Variants in MACROD2 observed in about 807,000 individuals in gnomAD.
The protein encoded by MACROD2 is mono-ADP ribosylhydrolase 2, also known as ADP-ribose glycohydrolase MACROD2.
In MACROD2, 36 loss-of-function variants were observed where a neutral mutation model predicts 70.4. That is an observed-to-expected ratio of 0.51 (90% CI 0.39 to 0.68). MACROD2 has a LOEUF of 0.68. Among genes scored for constraint, MACROD2 ranks in the 30% least tolerant of loss-of-function variants. The pLI, the probability that MACROD2 is intolerant of heterozygous loss-of-function variation, is 0.00. For missense variants in MACROD2, 496 were observed against 538.4 expected (o/e 0.92, Z 0.78); for synonymous variants, 172 against 178.8 (o/e 0.96, Z 0.30).
At chr20:14,413,278 A>G (rs1460685401) in intron 3 of MACROD2, among the ~76,000 whole-genome samples, 1 of 149,384 alleles carries the variant, frequency 6.7e-6, no homozygotes, top group East Asian at 1.9e-4. Context: ...CTATTAATAT[A>G]TAGTATATAT....
intron 3 of MACROD2, among the ~76,000 whole-genome samples, chr20:14,320,558 C>T (rs1217244031): frequency 6.6e-6 from 1 of 152,112 alleles, no homozygotes; most frequent in Admixed American, 6.5e-5. Context: ...TATACCTTTC[C>T]AGTCTTACCT....
intron 8 of MACROD2, among the ~76,000 whole-genome samples, chr20:15,557,846 A>G (rs1002675679): frequency 6.6e-6 from 1 of 152,146 alleles, no homozygotes; most frequent in Non-Finnish European, 1.5e-5. Context: ...TTGTCGGGCA[A>G]TCTGGCACAT....
intron 5 of MACROD2, among the ~76,000 whole-genome samples, chr20:14,692,492 C>A (rs183921301): frequency 6.6e-6 from 1 of 152,292 alleles, no homozygotes; most frequent in African/African-American, 2.4e-5. Context: ...GTCTCATTTA[C>A]CCCTGATATC....
rs900625054 is a variant in MACROD2 at position 15,100,031 on chromosome 20, G to T, written c.419-129909G>T. On this transcript the variant is annotated intron_variant, in intron 5 of 17. Coordinates refer to ENST00000684519, the MANE Select transcript of MACROD2 (RefSeq NM_001351661.2). ...CAAAGAACTTGGCTGAATTCTGTTTGTGCTCTTGTGTTTTGTGACAGGTAG... is the reference window on the plus strand; with the variant it reads ...CAAAGAACTTGGCTGAATTCTGTTTTTGCTCTTGTGTTTTGTGACAGGTAG... Among the ~76,000 whole-genome samples, 23 of 152,114 alleles carry T rather than the reference G, an allele frequency of 1.5e-4. 1 individual carries two copies. The highest frequency in any genetic ancestry group is 6.6e-5 in the Admixed American group (1 of 15,266).
In MACROD2 at chr20:14,857,578, A is replaced by G. The variant is rs2073268643; in HGVS notation, c.418+172619A>G. 2.0e-5 allele frequency among the ~76,000 whole-genome samples: 3 copies of G among 152,310 alleles called. No homozygotes were observed. The South Asian group carries it at 6.2e-4, about 32-fold the overall frequency. On this transcript the variant is annotated intron_variant, in intron 5 of 17. Coordinates refer to ENST00000684519, the MANE Select transcript of MACROD2 (RefSeq NM_001351661.2). The stretch of plus-strand genomic sequence containing the variant: ...TTAGCACACATGTCCAGATGTTGAC[A>G]CTACAAGTTATAAGCAGCCTTCATT...
chr20:15,968,609 T>A (rs1057341742), intron 13 of MACROD2, among the ~76,000 whole-genome samples: 2 of 151,650 alleles, frequency 1.3e-5, no homozygotes, highest in Admixed American at 6.6e-5. Flanking sequence ...AGGATGAAAA[T>A]GTCTTACCTA....
At chr20:14,281,512 T>C (rs2082305827) in intron 3 of MACROD2, among the ~76,000 whole-genome samples, 1 of 152,232 alleles carries the variant, frequency 6.6e-6, no homozygotes, top group South Asian at 2.1e-4. Flanking sequence ...TTTTGCAACT[T>C]TGTGAATATA....
chr20:14,247,051 C>T (rs1478452272), intron 3 of MACROD2, among the ~76,000 whole-genome samples: 3 of 152,264 alleles, frequency 2.0e-5, no homozygotes, highest in Non-Finnish European at 4.4e-5. Context: ...CTGCTGCTCC[C>T]AGTTTTTTCT....
intron 8 of MACROD2, among the ~76,000 whole-genome samples, chr20:15,656,359 C>T (rs961700206): frequency 1.3e-5 from 2 of 152,196 alleles, no homozygotes; most frequent in Non-Finnish European, 2.9e-5. Context: ...GAAATATAAA[C>T]ATGTACCAGC....
Position 14,517,393 on chromosome 20 carries a change from T to C in MACROD2, c.301+23885T>C, listed in dbSNP as rs544524176. Among the ~76,000 whole-genome samples, 17 of 152,254 alleles carry C rather than the reference T, an allele frequency of 1.1e-4. 1 individual carries two copies. The highest frequency in any genetic ancestry group is 3.4e-3 in the Middle Eastern group (1 of 294). On this transcript the variant is annotated intron_variant, in intron 4 of 17. Transcript: ENST00000684519. ...TGAGTTCATGTCCTTTGCAGGTACA[T>C]GGATGAAGCTGGAAACCATCATTCT...
intron 6 of MACROD2, among the ~76,000 whole-genome samples, chr20:15,378,260 C>G (rs1200625649): frequency 6.8e-5 from 6 of 87,634 alleles, no homozygotes; most frequent in Non-Finnish European, 1.4e-4. Flanking sequence ...AACTATAACT[C>G]AAAATCCAGA....
intron 3 of MACROD2, among the ~76,000 whole-genome samples, chr20:14,173,770 C>T (rs528060369): frequency 4.6e-5 from 7 of 152,248 alleles, no homozygotes; most frequent in Middle Eastern, 3.4e-3. Context: ...AGATCTAGGG[C>T]TCAAGGGCTG....
rs1256972095 is a variant in MACROD2 at position 15,952,092 on chromosome 20, ATAAGCTCTC to A, written c.907+14550_907+14558del. 4.6e-5 allele frequency among the ~76,000 whole-genome samples: 7 copies of A among 152,232 alleles called. No individual in the cohort carries two copies. In the East Asian group the frequency reaches 9.7e-4, roughly 21 times the overall value. The stretch of plus-strand genomic sequence containing the variant: ...GTATTATATGGGGGAGTTTCCCTGC[ATAAGCTCTC>A]TCTTTGCCTGCCACCATCCATGTAA... On this transcript the variant is annotated intron_variant, in intron 12 of 17. Transcript: ENST00000684519.
intron 6 of MACROD2, among the ~76,000 whole-genome samples, chr20:15,231,530 G>C (rs1354523650): frequency 6.6e-6 from 1 of 152,024 alleles, no homozygotes; most frequent in African/African-American, 2.4e-5. Flanking sequence ...AAGAGAATTT[G>C]CTAGTGGAAT....
intron 8 of MACROD2, among the ~76,000 whole-genome samples, chr20:15,514,448 A>G (rs980866988): frequency 6.6e-6 from 1 of 152,224 alleles, no homozygotes; most frequent in Admixed American, 6.5e-5. Context: ...TTGTGTTACA[A>G]TTACCTACAA....
At chr20:15,401,543 T>C (rs1302696960) in intron 6 of MACROD2, among the ~76,000 whole-genome samples, 1 of 152,226 alleles carries the variant, frequency 6.6e-6, no homozygotes, top group African/African-American at 2.4e-5. Context: ...AACCACACTT[T>C]GCTGCTAGAT....
At chr20:14,313,570 G>T (rs747954403) in intron 3 of MACROD2, among the ~76,000 whole-genome samples, 3 of 152,078 alleles carry the variant, frequency 2.0e-5, no homozygotes, top group Non-Finnish European at 4.4e-5. Context: ...GTCTGGGGAG[G>T]TGAGAAACTT....
chr20:15,874,021 T>C (rs1568610491), intron 9 of MACROD2, among the ~76,000 whole-genome samples: 1 of 152,124 alleles, frequency 6.6e-6, no homozygotes, highest in East Asian at 1.9e-4. Flanking sequence ...CCCGTCAACT[T>C]GTCATTTACC....
intron 8 of MACROD2, among the ~76,000 whole-genome samples, chr20:15,540,083 G>A (rs1255451718): frequency 1.3e-5 from 2 of 152,210 alleles, no homozygotes; most frequent in African/African-American, 4.8e-5. Context: ...AATTCCACAT[G>A]TTGGGCATAG....
Sources: gnomAD v4.1 joint callset for allele counts (sites outside exome capture counted in the v4.1 genomes callset) on GRCh38, gnomAD v4.1.1 for gene constraint, MANE v1.5 for transcripts, NCBI Gene and HGNC (gene_info 2026-07-23, HGNC 2026-07-21) for gene names.